Variants in ADD3 observed in about 807,000 individuals in gnomAD.
ADD3 encodes adducin 3.
In ADD3, 25 loss-of-function variants were observed where a neutral mutation model predicts 80.2. The ratio of observed to expected loss-of-function variants is 0.31; its 90% CI spans 0.23 to 0.44. ADD3 has a LOEUF of 0.44. Among genes scored for constraint, ADD3 ranks in the 20% least tolerant of loss-of-function variants. The pLI, the probability that ADD3 is intolerant of heterozygous loss-of-function variation, is 1.00. For missense variants in ADD3, 829 were observed against 847.5 expected, an observed-to-expected ratio of 0.98 and a Z score of 0.27; for synonymous variants, 284 against 289.6, an observed-to-expected ratio of 0.98 and a Z score of 0.20.
intron 1 of ADD3, among the ~76,000 whole-genome samples, chr10:110,009,765 G>T (rs1423308917): frequency 6.6e-6 from 1 of 152,206 alleles, no homozygotes; most frequent in Non-Finnish European, 1.5e-5. Flanking sequence ...GTGCCCAGAA[G>T]TGCTGGCATG....
At position 110,068,676 on chromosome 10, in the gene ADD3, G is replaced by T. The variant is rs544534956; in HGVS notation, c.-29-31949G>T. On this transcript the variant is annotated intron_variant, in intron 1 of 14. Transcript: ENST00000356080. ...AACTCCTGAAGTGAACGTTTTGAAA[G>T]GCAAAAGGATTTTTTCTTTTTTGTC... 3.3e-5 allele frequency among the ~76,000 whole-genome samples: 5 copies of T among 152,254 alleles called. No individual in the cohort carries two copies. The South Asian group carries it at 1.0e-3, about 32-fold the overall frequency.
At chr10:110,117,574 G>T in intron 5 of ADD3, 152 bp downstream of exon 5, 1 of 573,274 alleles carries the variant, frequency 1.7e-6, no homozygotes, top group South Asian at 2.4e-5. Context: ...GTTGTTTTAG[G>T]GAAAAGCTTT....
At chr10:110,070,435 G>A (rs908730041) in intron 1 of ADD3, among the ~76,000 whole-genome samples, 2 of 150,694 alleles carry the variant, frequency 1.3e-5, no homozygotes, top group Non-Finnish European at 3.0e-5. Flanking sequence ...TACCAACTCA[G>A]AATTTAAATA....
At chr10:110,021,965 TTATTTCTA>T (rs1221821119) in intron 1 of ADD3, among the ~76,000 whole-genome samples, 6 of 152,332 alleles carry the variant, frequency 3.9e-5, no homozygotes, top group Admixed American at 3.9e-4. Flanking sequence ...TATGTGGACC[TTATTTCTA>T]AAACAGAACT....
Position 110,135,322 on chromosome 10 carries a change from A to G in ADD3, c.*1704A>G, listed in dbSNP as rs1468122881. On this transcript the variant is annotated 3_prime_UTR_variant, in exon 15 of 15. Transcript: ENST00000356080. ...ATGTAGAAATAGTAACCTGTGAACT[A>G]TGCTTTTCCATAACTTTTTAAAAAT... 1 of 152,624 alleles carries G rather than the reference A, an allele frequency of 6.6e-6. No individual in the cohort carries two copies. Among genetic ancestry groups the G allele is most frequent in the East Asian group, 1.9e-4 (1 of 5,198 alleles). 9.5% of individuals were successfully genotyped at this position (152,624 alleles called of 1,614,324 possible).
chr10:110,114,972 AG>A (rs1249114698), intron 3 of ADD3, among the ~76,000 whole-genome samples: 2 of 151,848 alleles, frequency 1.3e-5, no homozygotes, highest in South Asian at 2.1e-4. Context: ...CTAGCTACTC[AG>A]GAGGCTGAGG....
upstream of ADD3, among the ~76,000 whole-genome samples, chr10:110,002,928 A>T (rs541404958): frequency 6.6e-6 from 1 of 152,216 alleles, no homozygotes; most frequent in African/African-American, 2.4e-5. Flanking sequence ...CCCTGATTAT[A>T]TCTCCTTGGG....
chr10:110,130,587 G>C, intron 13 of ADD3, 101 bp downstream of exon 13: 2 of 1,311,188 alleles, frequency 1.5e-6, no homozygotes, highest in South Asian at 1.4e-5. Flanking sequence ...CGGGCACAAT[G>C]GCTCACACCT....
chr10:110,012,755 CT>C (rs11318860), intron 1 of ADD3, among the ~76,000 whole-genome samples: 41,656 of 147,972 alleles, frequency 0.28, 8,554 homozygotes, highest in African/African-American at 0.57. Context: ...ATGTTTATAT[CT>C]TTTTTTTTTT....
intron 1 of ADD3, among the ~76,000 whole-genome samples, chr10:110,072,094 C>G (rs921304164): frequency 1.3e-5 from 2 of 152,222 alleles, no homozygotes; most frequent in Non-Finnish European, 2.9e-5. Flanking sequence ...CGGAGTCTCT[C>G]TCTGTCACCC....
chr10:110,095,881 A>G (rs1848089882), intron 1 of ADD3, among the ~76,000 whole-genome samples: 1 of 152,206 alleles, frequency 6.6e-6, no homozygotes, highest in South Asian at 2.1e-4. Flanking sequence ...GCATATTTTC[A>G]TTTGTATAAT....
At position 110,134,475 on chromosome 10, in the gene ADD3, C is replaced by G. The variant is rs1434463156; in HGVS notation, c.*857C>G. On this transcript the variant is annotated 3_prime_UTR_variant, in exon 15 of 15. Coordinates refer to ENST00000356080, the MANE Select transcript of ADD3 (RefSeq NM_016824.5). ...TATACTTAAATATAACTCCAGAATC[C>G]AGGGACTTGGTGTTAAAACAGGATT... 2.0e-5 allele frequency: 3 copies of G among 152,464 alleles called. No individual in the cohort carries two copies. Among genetic ancestry groups the G allele is most frequent in the Non-Finnish European group, 4.4e-5 (3 of 67,996 alleles). The allele number at this position is 152,464 out of a possible 1,614,324, so 9.4% of individuals were successfully genotyped here. A position where few individuals can be genotyped will look rare whatever the true frequency, so the allele number is the denominator to read the frequency against.
chr10:110,117,311 C>A lies in ADD3; in HGVS notation c.487-31C>A, dbSNP rs1359609883. Reference sequence around the variant, plus strand: ...TTCCACTGCAAAATATGAACCACTTCATAGTAATTCCCTGTTGTTTTTTTT... The same window carrying A: ...TTCCACTGCAAAATATGAACCACTTAATAGTAATTCCCTGTTGTTTTTTTT... On this transcript the variant is annotated intron_variant, in intron 4 of 14. Transcript: ENST00000356080. 8 of 1,194,574 alleles carry A rather than the reference C, an allele frequency of 6.7e-6. No individual in the cohort carries two copies. The East Asian group carries it at 7.0e-5, about 10-fold the overall frequency. The allele number at this position is 1,194,574 out of a possible 1,614,324, so 74.0% of individuals were successfully genotyped here.
intron 1 of ADD3, among the ~76,000 whole-genome samples, chr10:110,067,542 C>G (rs890345108): frequency 6.6e-6 from 1 of 152,202 alleles, no homozygotes; most frequent in African/African-American, 2.4e-5. Context: ...ACAGGAGTCA[C>G]AGTATTGCTT....
intron 1 of ADD3, among the ~76,000 whole-genome samples, chr10:110,038,260 G>A (rs913803771): frequency 4.6e-5 from 7 of 151,880 alleles, no homozygotes; most frequent in Non-Finnish European, 8.8e-5. Context: ...CTAGGTGGGG[G>A]TAGAAGAGGG....
At chr10:110,083,409 G>T (rs1249629420) in intron 1 of ADD3, among the ~76,000 whole-genome samples, 1 of 152,040 alleles carries the variant, frequency 6.6e-6, no homozygotes, top group Non-Finnish European at 1.5e-5. Context: ...CCAGCTACTC[G>T]GGAGGCTGAG....
At chr10:110,039,907 T>C (rs1589830832) in intron 1 of ADD3, among the ~76,000 whole-genome samples, 3 of 152,278 alleles carry the variant, frequency 2.0e-5, no homozygotes, top group African/African-American at 7.2e-5. Flanking sequence ...GTCATCTGAG[T>C]GTTCTTAAGA....
intron 1 of ADD3, among the ~76,000 whole-genome samples, chr10:110,039,277 G>A (rs1337369030): frequency 2.0e-5 from 3 of 151,880 alleles, no homozygotes; most frequent in African/African-American, 7.3e-5. Context: ...TGACTTAAAA[G>A]TTCTCCTACC....
intron 1 of ADD3, among the ~76,000 whole-genome samples, chr10:110,083,659 G>A (rs1846349046): frequency 6.6e-6 from 1 of 152,134 alleles, no homozygotes; most frequent in South Asian, 2.1e-4. Flanking sequence ...TTCAGGGCCT[G>A]AATTTTAGAA....
Sources: allele counts gnomAD v4.1 joint callset (sites outside exome capture counted in the v4.1 genomes callset), GRCh38; gene constraint gnomAD v4.1.1; transcripts MANE v1.5; gene names NCBI Gene and HGNC (gene_info 2026-07-23, HGNC 2026-07-21).